The following NLRP4 variants were observed in gnomAD, a reference collection of about 807,000 sequenced individuals.
The protein encoded by NLRP4 is NLR family pyrin domain containing 4.
In NLRP4, 44 loss-of-function variants were observed where a neutral mutation model predicts 84.7. That is an observed-to-expected ratio of 0.52 (90% confidence interval 0.41 to 0.67). The LOEUF (loss-of-function observed/expected upper bound fraction) is 0.67. NLRP4 is among the 30% of genes least tolerant of loss of function. NLRP4 has a pLI of 0.00. For missense variants in NLRP4, 1,260 were observed against 1,219.4 expected, an observed-to-expected ratio of 1.03 and a Z score of -0.50; for synonymous variants, 544 against 476.4, an observed-to-expected ratio of 1.14 and a Z score of -1.85.
At chr19:55,872,017 T>A (rs1985204575) in intron 7 of NLRP4, among the ~76,000 whole-genome samples, 1 of 151,856 alleles carries the variant, frequency 6.6e-6, no homozygotes, top group African/African-American at 2.4e-5. Context: ...CTGGCTAATT[T>A]TTTTGTATTT....
At chr19:55,861,593 C>G (rs1984758378) in intron 4 of NLRP4, 46 bp downstream of exon 4, 1 of 1,542,478 alleles carries the variant, frequency 6.5e-7, no homozygotes, top group African/African-American at 1.4e-5. Context: ...CGGAGATGAC[C>G]TATTCATCTC....
At chr19:55,841,031 T>G (rs1983593623) in intron 1 of NLRP4, among the ~76,000 whole-genome samples, 1 of 152,226 alleles carries the variant, frequency 6.6e-6, no homozygotes, top group Admixed American at 6.5e-5. Context: ...GACATATAAT[T>G]GTACATATTT....
chr19:55,881,576 G>GC lies in NLRP4; in HGVS notation c.2974_2975insC (p.Val992AlafsTer27), dbSNP rs770117580. ...AGACGACTGTGACACAATCACAAGG[G>GC]TAGAGATCTGATTGCGAGGAACCTG... is the stretch of plus-strand genomic sequence containing the variant. On this transcript the variant is annotated frameshift_variant, in exon 10 of 10. Coordinates refer to ENST00000301295, the MANE Select transcript of NLRP4 (RefSeq NM_134444.5). LOFTEE classifies it high-confidence loss of function. 1.1e-5 allele frequency: 17 copies of GC among 1,546,482 alleles called. No individual in the cohort carries two copies. Among genetic ancestry groups the GC allele is most frequent in the Non-Finnish European group, 1.5e-5 (17 of 1,120,752 alleles).
At chr19:55,855,540 G>T (rs559596039) in intron 2 of NLRP4, among the ~76,000 whole-genome samples, 1 of 152,276 alleles carries the variant, frequency 6.6e-6, no homozygotes, top group East Asian at 1.9e-4. Flanking sequence ...CTGAAAGATT[G>T]GGGGAATCCC....
intron 5 of NLRP4, among the ~76,000 whole-genome samples, chr19:55,863,725 C>A (rs1208509235): frequency 6.6e-6 from 1 of 152,130 alleles, no homozygotes; most frequent in Non-Finnish European, 1.5e-5. Context: ...AATGATGAAC[C>A]TGCTCTGTTT....
rs1206628995 is a variant in NLRP4 at position 55,867,595 on chromosome 19, A to G, written c.2187-114A>G. On this transcript the variant is annotated intron_variant, in intron 5 of 9. Coordinates refer to ENST00000301295, the MANE Select transcript of NLRP4 (RefSeq NM_134444.5). ...GGGATCAAGAACAGGGTTGGGAGGCAGTGAGCCTCTCAAGGACAGCAAATG... is the reference window on the plus strand; with the variant it reads ...GGGATCAAGAACAGGGTTGGGAGGCGGTGAGCCTCTCAAGGACAGCAAATG... 6.9e-6 allele frequency: 6 copies of G among 869,854 alleles called. No individual in the cohort carries two copies. In the East Asian group the frequency reaches 1.5e-4, roughly 21 times the overall value. 53.9% of individuals were successfully genotyped at this position (869,854 alleles called of 1,614,324 possible).
Position 55,862,066 on chromosome 19 carries a change from A to G in NLRP4, c.2093A>G (p.Tyr698Cys). The G allele has an allele frequency of 6.2e-7, 1 of 1,612,834 alleles. No homozygotes were observed. The highest frequency in any genetic ancestry group is 8.5e-7 in the Non-Finnish European group (1 of 1,178,794). The change falls in exon 5 of 10, where the codon TAC becomes TGC. Residue 698 changes from tyrosine (Y) to cysteine (C), a missense_variant. Transcript: ENST00000301295. ...EVLFYQPDLK[Y>C]LSFTLTKLSR... is the part of the protein sequence containing the mutation. Reference sequence around the variant, plus strand: ...CTCTTTTATCAGCCAGACTTGAAATACCTGAGCTTCACCCTCACGAAACTC... The same window carrying G: ...CTCTTTTATCAGCCAGACTTGAAATGCCTGAGCTTCACCCTCACGAAACTC...
At chr19:55,850,979 G>A (rs1309190177) in intron 1 of NLRP4, among the ~76,000 whole-genome samples, 1 of 118,140 alleles carries the variant, frequency 8.5e-6, no homozygotes, top group East Asian at 2.7e-4. Context: ...CCGTGGCTGC[G>A]GTGTAATTTA....
chr19:55,881,643 GTTAC>G lies in NLRP4; in HGVS notation c.*61_*64del. On this transcript the variant is annotated 3_prime_UTR_variant, in exon 10 of 10. Coordinates refer to ENST00000301295, the MANE Select transcript of NLRP4 (RefSeq NM_134444.5). ...CCTGCAAAGGACAGGGACTGGGACC[GTTAC>G]TTACATGACACTGCACCCAGGAGAT... is the stretch of plus-strand genomic sequence containing the variant. The G allele has an allele frequency of 3.6e-6, 3 of 825,678 alleles. No homozygotes were observed. In the South Asian group the frequency reaches 4.4e-5, roughly 12 times the overall value. The allele number at this position is 825,678 out of a possible 1,614,324, so 51.1% of individuals were successfully genotyped here. A position where few individuals can be genotyped will look rare whatever the true frequency, so the allele number is the denominator to read the frequency against.
In NLRP4 at chr19:55,861,433, C is replaced by G. The variant is rs146503482; in HGVS notation, c.1904C>G (p.Thr635Ser). 3.2e-5 allele frequency: 52 copies of G among 1,614,068 alleles called. No individual in the cohort carries two copies. The highest frequency in any genetic ancestry group is 4.3e-5 in the Non-Finnish European group (51 of 1,179,998). The stretch of plus-strand genomic sequence containing the variant: ...TGGCATCACATCTGCTCTGTGCTCA[C>G]CACCAGCGGGCACCTCAGAGAGCTC... ...ICWHHICSVL[T>S]TSGHLRELQV... The change falls in exon 4 of 10, where the codon ACC becomes AGC. Residue 635 changes from threonine (T) to serine (S), a missense_variant. Physicochemically the swap from Thr to Ser is moderately conservative, Grantham distance 58 (BLOSUM62 1). Transcript: ENST00000301295.
intron 2 of NLRP4, among the ~76,000 whole-genome samples, chr19:55,853,530 A>G (rs1198228472): frequency 1.3e-5 from 2 of 152,076 alleles, no homozygotes; most frequent in African/African-American, 2.4e-5. Flanking sequence ...AGCTGGGACT[A>G]CAGGTGTGTG....
chr19:55,881,116 C>G (rs1568678220), intron 9 of NLRP4, among the ~76,000 whole-genome samples: 2 of 125,476 alleles, frequency 1.6e-5, no homozygotes, highest in Admixed American at 8.6e-5. Context: ...GAGCCAGCTC[C>G]TACAAGCTGG....
intron 1 of NLRP4, among the ~76,000 whole-genome samples, chr19:55,850,123 T>G (rs1282601342): frequency 7.0e-6 from 1 of 142,224 alleles, no homozygotes; most frequent in South Asian, 2.3e-4. Context: ...AGCTGCGGTG[T>G]AATTTCCGTG....
At chr19:55,842,079 G>A (rs1345496244) in intron 1 of NLRP4, among the ~76,000 whole-genome samples, 1 of 152,130 alleles carries the variant, frequency 6.6e-6, no homozygotes, top group African/African-American at 2.4e-5. Flanking sequence ...CCTTTTCTCT[G>A]CATCCTTGCC....
At chr19:55,867,191 A>G (rs302429) in intron 5 of NLRP4, among the ~76,000 whole-genome samples, 2,687 of 137,844 alleles carry the variant, frequency 0.019, 56 homozygotes, top group Non-Finnish European at 0.029. Flanking sequence ...TAACTGAGAC[A>G]GTGCATATCA....
At chr19:55,853,830 TTTCTCTCTCTCG>T (rs1354469213) in intron 2 of NLRP4, among the ~76,000 whole-genome samples, 6 of 151,844 alleles carry the variant, frequency 4.0e-5, no homozygotes. Flanking sequence ...TTGCTGTCTC[TTTCTCTCTCTCG>T]TTCTGTCTTT....
intron 1 of NLRP4, among the ~76,000 whole-genome samples, chr19:55,842,338 G>A (rs1028313630): frequency 6.6e-6 from 1 of 151,948 alleles, no homozygotes; most frequent in African/African-American, 2.4e-5. Context: ...ATCTGTTCTA[G>A]GTTCCTATTT....
rs558701430 is a variant in NLRP4, at chr19:55,851,732, G to C, written c.-65-284G>C. On this transcript the variant is annotated intron_variant, in intron 1 of 9. Coordinates refer to ENST00000301295, the MANE Select transcript of NLRP4 (RefSeq NM_134444.5). ...TGTCCGAGGCTGCGGTGTAATTTCC[G>C]AAGCTGCGGTGTAATTTCCAAAAAT... Among the ~76,000 whole-genome samples the C allele has an allele frequency of 2.7e-4, 40 of 149,766 alleles. 5 individuals carry two copies. The highest frequency in any genetic ancestry group is 9.3e-4 in the African/African-American group (37 of 39,740).
At chr19:55,850,717 GCGGTGTACTT>G (rs1984070222) in intron 1 of NLRP4, among the ~76,000 whole-genome samples, 8 of 140,350 alleles carry the variant, frequency 5.7e-5, no homozygotes, top group Non-Finnish European at 7.7e-5. Context: ...TCCCGAGGCT[GCGGTGTACTT>G]TCCGAGGCTG....
Sources: allele counts gnomAD v4.1 joint callset (sites outside exome capture counted in the v4.1 genomes callset), GRCh38; gene constraint gnomAD v4.1.1; transcripts MANE v1.5; gene names NCBI Gene and HGNC (gene_info 2026-07-23, HGNC 2026-07-21).